DGKG: variants seen among roughly 807,000 people sequenced by gnomAD.
The protein encoded by DGKG is DAG kinase gamma.
DGKG carries 78 observed loss-of-function variants against 105.3 expected under a neutral mutation model. The observed-to-expected ratio is 0.74, with a 90% CI of 0.62 to 0.89. DGKG has a LOEUF of 0.89. Among genes scored for constraint, DGKG ranks in the 40% least tolerant of loss-of-function variants. The pLI, the probability that DGKG is intolerant of heterozygous loss-of-function variation, is 0.00. For missense variants in DGKG, 958 were observed against 1,020.1 expected (o/e 0.94, Z 0.83); for synonymous variants, 346 against 367.1 (o/e 0.94, Z 0.66).
intron 21 of DGKG, among the ~76,000 whole-genome samples, chr3:186,191,286 T>G (rs1354835946): frequency 6.6e-6 from 1 of 152,250 alleles, no homozygotes; most frequent in Non-Finnish European, 1.5e-5. Flanking sequence ...CCTAAATACT[T>G]TGTTAATAAT....
At chr3:186,251,673 T>C in intron 19 of DGKG, 86 bp downstream of exon 19, 1 of 1,514,930 alleles carries the variant, frequency 6.6e-7, no homozygotes, top group Non-Finnish European at 9.1e-7. Context: ...AGGTAGACAC[T>C]AGGGACCCAG....
chr3:186,317,553 G>A (rs954217464), intron 2 of DGKG, among the ~76,000 whole-genome samples: 2 of 152,098 alleles, frequency 1.3e-5, no homozygotes, highest in African/African-American at 4.8e-5. Flanking sequence ...TCCAGCCTGG[G>A]AGCTGCTTGC....
At chr3:186,353,954 A>G (rs1726780410) in intron 1 of DGKG, among the ~76,000 whole-genome samples, 1 of 152,164 alleles carries the variant, frequency 6.6e-6, no homozygotes, top group Non-Finnish European at 1.5e-5. Context: ...GCTTCCTAAT[A>G]GTTGAGAAAG....
intron 1 of DGKG, among the ~76,000 whole-genome samples, chr3:186,344,427 T>TTGCAGGAACATGGA (rs1206849559): frequency 2.0e-5 from 3 of 152,238 alleles, no homozygotes; most frequent in Admixed American, 1.3e-4. Context: ...GATATGTCTT[T>TTGCAGGAACATGGA]TGCAGGAACA....
intron 21 of DGKG, among the ~76,000 whole-genome samples, chr3:186,201,018 G>A (rs1020613022): frequency 2.6e-5 from 4 of 152,150 alleles, no homozygotes; most frequent in Admixed American, 6.5e-5. Context: ...GGAGTGAGCC[G>A]GCACTGGGTG....
At chr3:186,265,168 A>G in intron 14 of DGKG, 79 bp downstream of exon 14, 2 of 1,404,556 alleles carry the variant, frequency 1.4e-6, no homozygotes, top group Non-Finnish European at 1.0e-6. Context: ...GCTTTTCTGT[A>G]GAACCCAAAC....
intron 1 of DGKG, among the ~76,000 whole-genome samples, chr3:186,350,843 G>C (rs983058316): frequency 1.3e-5 from 2 of 152,162 alleles, no homozygotes; most frequent in African/African-American, 4.8e-5. Context: ...ACAGTTCCCT[G>C]ATGATTCATG....
intron 21 of DGKG, 21 bp from the exon 22 acceptor site, chr3:186,188,400 G>A: frequency 1.2e-6 from 2 of 1,612,502 alleles, no homozygotes; most frequent in South Asian, 2.2e-5. Flanking sequence ...GAGAGAAAAG[G>A]CCATCTGTTA....
intron 19 of DGKG, among the ~76,000 whole-genome samples, chr3:186,249,765 G>A (rs904309860): frequency 6.6e-5 from 10 of 152,238 alleles, no homozygotes; most frequent in East Asian, 3.9e-4. Context: ...CCTGGGAAGC[G>A]GAGGTTTCAG....
intron 20 of DGKG, among the ~76,000 whole-genome samples, chr3:186,216,141 G>A (rs1719281776): frequency 6.6e-6 from 1 of 151,986 alleles, no homozygotes; most frequent in South Asian, 2.1e-4. Flanking sequence ...TGGGATTACA[G>A]GCATGCGCCA....
chr3:186,339,516 T>C (rs1424802751), intron 1 of DGKG, among the ~76,000 whole-genome samples: 1 of 152,218 alleles, frequency 6.6e-6, no homozygotes. Context: ...TTTTTCATGC[T>C]ATGAGATTAT....
intron 1 of DGKG, among the ~76,000 whole-genome samples, chr3:186,345,912 G>A (rs1464537911): frequency 6.6e-6 from 1 of 152,072 alleles, no homozygotes; most frequent in African/African-American, 2.4e-5. Flanking sequence ...GGGATTACAG[G>A]TGCCCGCCAC....
Position 186,268,812 on chromosome 3 carries a change from A to G in DGKG, c.1105T>C (p.Cys369Arg). Reference sequence around the variant, plus strand: ...GGGCGCCAACCCACCGTCATCCGGCACCACACGCAGTGCCGCGCGGTGACA... The same window carrying G: ...GGGCGCCAACCCACCGTCATCCGGCGCCACACGCAGTGCCGCGCGGTGACA... ...QSVTARHCVW[C>R]RMTFHRKCEL... Residue 369 changes from cysteine (C) to arginine (R), a missense_variant, in exon 12 of 25, where the codon TGC (cysteine) becomes CGC (arginine). Coordinates refer to ENST00000265022, the MANE Select transcript of DGKG (RefSeq NM_001346.3). 1 of 1,612,768 alleles carries G rather than the reference A, an allele frequency of 6.2e-7. No homozygotes were observed. The highest frequency in any genetic ancestry group is 8.5e-7 in the Non-Finnish European group (1 of 1,179,120).
chr3:186,294,504 C>G (rs891767346), intron 5 of DGKG, among the ~76,000 whole-genome samples: 2 of 148,632 alleles, frequency 1.3e-5, no homozygotes, highest in African/African-American at 2.5e-5. Flanking sequence ...CCATTGCACT[C>G]CAGCCTGGGC....
At chr3:186,244,208 C>T (rs552334839) in intron 19 of DGKG, among the ~76,000 whole-genome samples, 76 of 152,090 alleles carry the variant, frequency 5.0e-4, no homozygotes, top group Non-Finnish European at 9.7e-4. Context: ...TGTTTTTAAG[C>T]ATCAAGAGGT....
In DGKG at chr3:186,223,011, C is replaced by CTATATATATATATATATATATATA. The variant is rs55753193; in HGVS notation, c.1827-11127_1827-11126insTATATATATATATATATATATATA. On this transcript the variant is annotated intron_variant, in intron 20 of 24. Transcript: ENST00000265022. ...AAGAATACACACACGTGTATGTATA[C>CTATATATATATATATATATATATA]TATATATATATATATATATATATGT... 6.1e-3 allele frequency among the ~76,000 whole-genome samples: 491 copies of CTATATATATATATATATATATATA among 80,302 alleles called. 20 individuals carry two copies. The highest frequency in any genetic ancestry group is 0.017 in the Middle Eastern group (3 of 180). 52.7% of individuals were successfully genotyped at this position (80,302 alleles called of 152,430 possible). A position where few individuals can be genotyped will look rare whatever the true frequency, so the allele number is the denominator to read the frequency against.
At chr3:186,294,325 C>T (rs1723445184) in intron 5 of DGKG, among the ~76,000 whole-genome samples, 1 of 152,138 alleles carries the variant, frequency 6.6e-6, no homozygotes, top group South Asian at 2.1e-4. Context: ...ATTGTATCTT[C>T]TTCTAGGTTC....
rs1200123650 is a variant in DGKG at position 186,149,067 on chromosome 3, A to G, written c.*1023T>C. 1.2e-5 allele frequency: 12 copies of G among 984,476 alleles called. No individual in the cohort carries two copies. In the African/African-American group the frequency reaches 2.1e-4, roughly 17 times the overall value. 61.0% of individuals were successfully genotyped at this position (984,476 alleles called of 1,614,324 possible). On this transcript the variant is annotated 3_prime_UTR_variant, in exon 25 of 25. Coordinates refer to ENST00000265022, the MANE Select transcript of DGKG (RefSeq NM_001346.3). ...AGACCATCAGAAGGTCCTTCAGGTCATACTCTGGGAGTGGTGAGTGCAAAG... is the reference window on the plus strand; with the variant it reads ...AGACCATCAGAAGGTCCTTCAGGTCGTACTCTGGGAGTGGTGAGTGCAAAG...
At chr3:186,173,991 G>C (rs183035076) in intron 22 of DGKG, among the ~76,000 whole-genome samples, 3 of 152,330 alleles carry the variant, frequency 2.0e-5, no homozygotes, top group Admixed American at 6.5e-5. Flanking sequence ...CTGTCATGAG[G>C]AGAGAGGCAG....
Sources: allele counts gnomAD v4.1 joint callset (sites outside exome capture counted in the v4.1 genomes callset), GRCh38; gene constraint gnomAD v4.1.1; transcripts MANE v1.5; gene names NCBI Gene and HGNC (gene_info 2026-07-23, HGNC 2026-07-21).